Variants in EZH2 observed in about 807,000 individuals in gnomAD.
EZH2 encodes the protein enhancer of zeste 2 polycomb repressive complex 2 subunit, also known as histone-lysine N-methyltransferase EZH2.
Under a neutral mutation model 98.4 loss-of-function variants are expected in EZH2, and 18 were observed. The observed-to-expected ratio is 0.18, with a 90% CI of 0.13 to 0.27. The LOEUF (loss-of-function observed/expected upper bound fraction) is 0.27, where lower values mean the gene tolerates loss of function less well. EZH2 is among the 10% of genes least tolerant of loss of function. EZH2 has a pLI of 1.00. For synonymous variants in EZH2, 338 were observed against 312.3 expected (o/e 1.08, Z -0.87); for missense variants, 470 against 935.1 (o/e 0.50, Z 6.49).
intron 3 of EZH2, among the ~76,000 whole-genome samples, chr7:148,843,506 T>TAC (rs1310295832): frequency 6.6e-6 from 1 of 151,816 alleles, no homozygotes. Context: ...CGACATTCTT[T>TAC]ACCAAAATAA....
At chr7:148,866,566 A>G (rs1426183850) in intron 1 of EZH2, among the ~76,000 whole-genome samples, 2 of 128,456 alleles carry the variant, frequency 1.6e-5, no homozygotes, top group African/African-American at 6.1e-5. Flanking sequence ...ATATATACAT[A>G]TATATACGTA....
chr7:148,864,695 AAAAAGGAAAAAAAG>A (rs1300983654), intron 1 of EZH2, among the ~76,000 whole-genome samples: 12 of 150,226 alleles, frequency 8.0e-5, no homozygotes, highest in African/African-American at 3.0e-4. Flanking sequence ...AAAAAAAAAA[AAAAAGGAAAAAAAG>A]AAAAAAAAAG....
At chr7:148,811,755 G>A (rs1248770509) in intron 15 of EZH2, 35 bp from the exon 16 acceptor site, 1 of 1,572,692 alleles carries the variant, frequency 6.4e-7, no homozygotes. Context: ...CATCAAAAAA[G>A]GAGGGTGAAA....
intron 3 of EZH2, among the ~76,000 whole-genome samples, chr7:148,845,404 T>C (rs961467337): frequency 3.3e-5 from 5 of 152,190 alleles, no homozygotes; most frequent in African/African-American, 1.2e-4. Flanking sequence ...ATTTATACAA[T>C]TATAAGTCAG....
chr7:148,849,876 T>A (rs1448541503), intron 1 of EZH2, among the ~76,000 whole-genome samples: 1 of 152,204 alleles, frequency 6.6e-6, no homozygotes, highest in East Asian at 1.9e-4. Flanking sequence ...AGGAATGATC[T>A]GTAGCCTCAT....
At chr7:148,842,004 T>A (rs1812576897) in intron 3 of EZH2, among the ~76,000 whole-genome samples, 1 of 152,230 alleles carries the variant, frequency 6.6e-6, no homozygotes, top group African/African-American at 2.4e-5. Flanking sequence ...AGTTTTTAAA[T>A]TCTTCATACG....
At chr7:148,815,854 G>A (rs1312588621) in intron 12 of EZH2, among the ~76,000 whole-genome samples, 1 of 152,204 alleles carries the variant, frequency 6.6e-6, no homozygotes, top group Non-Finnish European at 1.5e-5. Flanking sequence ...TGATGTGGAT[G>A]ACACTGATCA....
intron 5 of EZH2, among the ~76,000 whole-genome samples, chr7:148,829,095 T>C (rs761287493): frequency 6.6e-6 from 1 of 152,174 alleles, no homozygotes; most frequent in Non-Finnish European, 1.5e-5. Flanking sequence ...TTCTGTAGAA[T>C]GGCCCCTCCC....
chr7:148,857,438 G>A (rs775605016), intron 1 of EZH2, among the ~76,000 whole-genome samples: 3 of 152,160 alleles, frequency 2.0e-5, no homozygotes, highest in Non-Finnish European at 4.4e-5. Context: ...AATATACCAT[G>A]GCTATATAAA....
At chr7:148,869,888 T>C (rs146933481) in intron 1 of EZH2, among the ~76,000 whole-genome samples, 2 of 149,280 alleles carry the variant, frequency 1.3e-5, no homozygotes, top group Non-Finnish European at 2.9e-5. Context: ...CTACCACTCT[T>C]TGTACAACAT....
At chr7:148,826,221 A>C (rs1192102107) in intron 8 of EZH2, among the ~76,000 whole-genome samples, 5 of 152,016 alleles carry the variant, frequency 3.3e-5, no homozygotes, top group African/African-American at 9.7e-5. Context: ...AAAAAAAAAA[A>C]TCACTGACCT....
chr7:148,810,280 A>G, intron 17 of EZH2, 53 bp downstream of exon 17: 1 of 1,354,308 alleles, frequency 7.4e-7, no homozygotes, highest in Non-Finnish European at 1.1e-6. Flanking sequence ...CGGCCGGCAG[A>G]AGGCTGCCAC....
At position 148,835,438 on chromosome 7, in the gene EZH2, A is replaced by G. The variant is rs943527843; in HGVS notation, c.247-2688T>C. ...GACCCCGCCTCAAAAAAAAAAAAAA[A>G]AAGAAAATAGAGACATAATGTAATA... On this transcript the variant is annotated intron_variant, in intron 3 of 19. Coordinates refer to ENST00000320356, the MANE Select transcript of EZH2 (RefSeq NM_004456.5). Among the ~76,000 whole-genome samples the G allele has an allele frequency of 2.6e-5, 4 of 151,982 alleles. No individual in the cohort carries two copies. The East Asian group carries it at 7.7e-4, about 29-fold the overall frequency.
At position 148,834,337 on chromosome 7, in the gene EZH2, T is replaced by TTATATATA. The variant is rs746918834; in HGVS notation, c.247-1595_247-1588dup. Among the ~76,000 whole-genome samples, 350 of 142,718 alleles carry TTATATATA rather than the reference T, an allele frequency of 2.5e-3. 2 individuals carry two copies. The highest frequency in any genetic ancestry group is 9.2e-3 in the African/African-American group (327 of 35,706). 93.6% of individuals were successfully genotyped at this position (142,718 alleles called of 152,430 possible). A position where few individuals can be genotyped will look rare whatever the true frequency, so the allele number is the denominator to read the frequency against. ...GTAGTAAAATGAAACTGAAAAATCA[T>TTATATATA]TATATATATATATATACACACACAC... On this transcript the variant is annotated intron_variant, in intron 3 of 19. Transcript: ENST00000320356.
chr7:148,876,760 G>A (rs1193031267), intron 1 of EZH2, among the ~76,000 whole-genome samples: 1 of 152,162 alleles, frequency 6.6e-6, no homozygotes, highest in African/African-American at 2.4e-5. Context: ...AGGGCCACAT[G>A]GTAAGTATTT....
At chr7:148,847,957 C>T (rs955175440) in intron 1 of EZH2, among the ~76,000 whole-genome samples, 1 of 152,152 alleles carries the variant, frequency 6.6e-6, no homozygotes, top group Non-Finnish European at 1.5e-5. Context: ...ATTCTTCTGC[C>T]TTATCTTTAG....
At chr7:148,859,743 A>G (rs1451981960) in intron 1 of EZH2, among the ~76,000 whole-genome samples, 2 of 152,180 alleles carry the variant, frequency 1.3e-5, no homozygotes, top group African/African-American at 2.4e-5. Flanking sequence ...ACTATGTAAG[A>G]GCATGTTTTC....
chr7:148,841,462 CAATAAG>C (rs747967645), intron 3 of EZH2, among the ~76,000 whole-genome samples: 6 of 152,058 alleles, frequency 3.9e-5, no homozygotes, highest in African/African-American at 7.2e-5. Context: ...TTCCTTGAGG[CAATAAG>C]AATGAGTGTA....
In EZH2 at chr7:148,827,275, G is replaced by C. The variant is rs769208430; in HGVS notation, c.626-9C>G. On this transcript the variant is annotated splice_polypyrimidine_tract_variant and intron_variant, in intron 6 of 19. Coordinates refer to ENST00000320356, the MANE Select transcript of EZH2 (RefSeq NM_004456.5). ...TGGGCGGCTTTCTTTATCTAAACAG[G>C]AGAATATGAAAGGAAAAAAAGAATG... 6.9e-6 allele frequency: 11 copies of C among 1,598,672 alleles called. No individual in the cohort carries two copies. The highest frequency in any genetic ancestry group is 1.3e-5 in the African/African-American group (1 of 74,174).
Sources: allele counts gnomAD v4.1 joint callset (sites outside exome capture counted in the v4.1 genomes callset), GRCh38; gene constraint gnomAD v4.1.1; transcripts MANE v1.5; gene names NCBI Gene and HGNC (gene_info 2026-07-23, HGNC 2026-07-21).